EVA1A: variants seen among roughly 807,000 people sequenced by gnomAD.
The protein encoded by EVA1A is eva-1 homolog A, regulator of programmed cell death.
EVA1A carries 7 observed loss-of-function variants against 9.8 expected under a neutral mutation model. That is an observed-to-expected ratio of 0.71 (90% CI 0.41 to 1.34). The LOEUF (loss-of-function observed/expected upper bound fraction) is 1.34. Ranked by LOEUF, EVA1A falls within the 40% of genes most tolerant of loss-of-function variation. The pLI, the probability that EVA1A is intolerant of heterozygous loss-of-function variation, is 0.01. For missense variants in EVA1A, 206 were observed against 205.9 expected (o/e 1.00, Z 0.00); for synonymous variants, 90 against 85.6 (o/e 1.05, Z -0.28).
intron 1 of EVA1A, among the ~76,000 whole-genome samples, chr2:75,534,923 T>C (rs1175238301): frequency 1.3e-5 from 2 of 152,220 alleles, no homozygotes; most frequent in African/African-American, 4.8e-5. Flanking sequence ...TTAATTTTTG[T>C]ACATGGTGAG....
At chr2:75,501,490 G>A (rs1674416892) in intron 3 of EVA1A, among the ~76,000 whole-genome samples, 1 of 152,156 alleles carries the variant, frequency 6.6e-6, no homozygotes, top group Non-Finnish European at 1.5e-5. Flanking sequence ...CTTTGGTTTA[G>A]GAGGTATGGC....
intron 1 of EVA1A, among the ~76,000 whole-genome samples, chr2:75,568,971 T>G (rs1677077385): frequency 6.6e-6 from 1 of 152,190 alleles, no homozygotes; most frequent in Admixed American, 6.5e-5. Context: ...CATAATGACT[T>G]CTTTTCCTTT....
chr2:75,556,369 A>C (rs756394806), intron 1 of EVA1A, among the ~76,000 whole-genome samples: 60 of 152,228 alleles, frequency 3.9e-4, no homozygotes, highest in Non-Finnish European at 7.6e-4. Flanking sequence ...GGTGCTACCC[A>C]AAGTGGCAGC....
intron 3 of EVA1A, among the ~76,000 whole-genome samples, chr2:75,508,160 C>T (rs1674683457): frequency 6.6e-6 from 1 of 152,098 alleles, no homozygotes; most frequent in African/African-American, 2.4e-5. Context: ...GCATTAACTG[C>T]ACAAATTGTA....
At chr2:75,510,330 T>C (rs1387183968) in intron 3 of EVA1A, among the ~76,000 whole-genome samples, 1 of 152,206 alleles carries the variant, frequency 6.6e-6, no homozygotes, top group Non-Finnish European at 1.5e-5. Flanking sequence ...ATTCATTCTA[T>C]AAACATTTAC....
At chr2:75,528,913 C>G (rs1383456149) in intron 1 of EVA1A, among the ~76,000 whole-genome samples, 1 of 152,186 alleles carries the variant, frequency 6.6e-6, no homozygotes, top group Non-Finnish European at 1.5e-5. Context: ...AAAACAACAG[C>G]TAATTTCACT....
intron 1 of EVA1A, among the ~76,000 whole-genome samples, chr2:75,544,847 C>T (rs903160443): frequency 6.6e-6 from 1 of 152,150 alleles, no homozygotes; most frequent in Non-Finnish European, 1.5e-5. Flanking sequence ...ATCAGAATAG[C>T]CTGAATCTGT....
chr2:75,532,193 A>G (rs1442240786), intron 1 of EVA1A, among the ~76,000 whole-genome samples: 3 of 147,518 alleles, frequency 2.0e-5, no homozygotes, highest in Admixed American at 6.7e-5. Flanking sequence ...AAAAAAGCTT[A>G]TCCATGTAAT....
chr2:75,545,185 C>G (rs371560349), intron 1 of EVA1A, among the ~76,000 whole-genome samples: 77 of 151,904 alleles, frequency 5.1e-4, no homozygotes, highest in Middle Eastern at 3.4e-3. Flanking sequence ...AGGAAAAACC[C>G]AAAATATGAA....
intron 1 of EVA1A, among the ~76,000 whole-genome samples, chr2:75,549,909 A>T (rs1401938424): frequency 1.3e-5 from 2 of 152,206 alleles, no homozygotes; most frequent in Admixed American, 1.3e-4. Context: ...GTTGGCAGCC[A>T]AATTCTAATT....
chr2:75,513,935 T>C (rs1674913279), intron 3 of EVA1A, among the ~76,000 whole-genome samples: 1 of 152,170 alleles, frequency 6.6e-6, no homozygotes, highest in Admixed American at 6.5e-5. Context: ...TTGAAAACAA[T>C]CCTGACTCTT....
At chr2:75,559,462 C>T (rs1045566767) in intron 1 of EVA1A, among the ~76,000 whole-genome samples, 1 of 152,178 alleles carries the variant, frequency 6.6e-6, no homozygotes, top group Non-Finnish European at 1.5e-5. Context: ...AGCCACTGCG[C>T]TTGACTGCCT....
intron 3 of EVA1A, among the ~76,000 whole-genome samples, chr2:75,500,115 T>G (rs1020164613): frequency 1.3e-5 from 2 of 151,910 alleles, no homozygotes; most frequent in Non-Finnish European, 2.9e-5. Context: ...CTGCCCGGAG[T>G]GCAAAAATGG....
At chr2:75,531,636 T>C (rs1248784778) in intron 1 of EVA1A, among the ~76,000 whole-genome samples, 1 of 152,114 alleles carries the variant, frequency 6.6e-6, no homozygotes, top group Admixed American at 6.6e-5. Flanking sequence ...TTGGAGACCA[T>C]TATTCTAAGT....
rs779001457 is a variant in EVA1A, at chr2:75,518,110, G to A, written c.31C>T (p.His11Tyr). The A allele has an allele frequency of 6.2e-7, 1 of 1,614,134 alleles. No homozygotes were observed. Among genetic ancestry groups the A allele is most frequent in the Non-Finnish European group, 8.5e-7 (1 of 1,180,008 alleles). Residue 11 changes from histidine (H) to tyrosine (Y), a missense_variant, in exon 3 of 4, where the codon CAC becomes TAC. By Grantham distance (83) the His-to-Tyr change is moderately conservative (BLOSUM62 2). Coordinates refer to ENST00000393913, the MANE Select transcript of EVA1A (RefSeq NM_001135032.2). ...TTGCTGAGCAAAGCCATCTCCACGT[G>A]CTCTGGGCTGTGGCTGAGGGGCAGC... MRLPLSHSPE[H>Y]VEMALLSNIL...
chr2:75,523,473 T>C (rs1675302184), intron 1 of EVA1A, among the ~76,000 whole-genome samples: 1 of 152,106 alleles, frequency 6.6e-6, no homozygotes, highest in African/African-American at 2.4e-5. Flanking sequence ...TATCACCGGC[T>C]GGGGAGAGGA....
Position 75,518,198 on chromosome 2 carries a change from C to CT in EVA1A, c.-59dup. ...TGGCTGAATCAACGTGGCCACTCTCCTTCTTCTCTTCTGTTTGGGAACATA... is the reference window on the plus strand; with the variant it reads ...TGGCTGAATCAACGTGGCCACTCTCCTTTCTTCTCTTCTGTTTGGGAACATA... On this transcript the variant is annotated 5_prime_UTR_variant, in exon 3 of 4. Transcript: ENST00000393913. 6.3e-7 allele frequency: 1 copy of CT among 1,594,638 alleles called. No individual in the cohort carries two copies. The highest frequency in any genetic ancestry group is 8.5e-7 in the Non-Finnish European group (1 of 1,172,416).
chr2:75,505,073 T>G (rs1212387394), intron 3 of EVA1A, among the ~76,000 whole-genome samples: 2 of 152,120 alleles, frequency 1.3e-5, no homozygotes, highest in Non-Finnish European at 2.9e-5. Flanking sequence ...TCACTTTTCT[T>G]CCCCTGCAAG....
upstream of EVA1A, among the ~76,000 whole-genome samples, chr2:75,563,901 T>C (rs1236933064): frequency 6.6e-6 from 1 of 152,208 alleles, no homozygotes; most frequent in Non-Finnish European, 1.5e-5. Flanking sequence ...TGAGGAGAGA[T>C]AACCCACAGA....
Sources: allele counts gnomAD v4.1 joint callset (sites outside exome capture counted in the v4.1 genomes callset), GRCh38; gene constraint gnomAD v4.1.1; transcripts MANE v1.5; gene names NCBI Gene and HGNC (gene_info 2026-07-23, HGNC 2026-07-21).